The following GRID2 variants were observed in gnomAD, a reference collection of about 807,000 sequenced individuals.
The protein encoded by GRID2 is glutamate ionotropic receptor delta type subunit 2, also known as glutamate receptor ionotropic, delta-2.
A neutral mutation model predicts 114.8 loss-of-function variants in GRID2; 33 were observed. The observed-to-expected ratio is 0.29, with a 90% CI of 0.22 to 0.38. The LOEUF is 0.38. GRID2 is among the 10% of genes least tolerant of loss of function. GRID2 has a pLI of 1.00. For synonymous variants in GRID2, 505 were observed against 449.9 expected (o/e 1.12, Z -1.55); for missense variants, 1,184 against 1,257.7 (o/e 0.94, Z 0.89).
At chr4:92,972,499 A>G (rs1300716793) in intron 2 of GRID2, among the ~76,000 whole-genome samples, 1 of 152,176 alleles carries the variant, frequency 6.6e-6, no homozygotes, top group Non-Finnish European at 1.5e-5. Flanking sequence ...TTTTCAGTAA[A>G]ATATATGTCT....
chr4:93,513,611 C>T (rs112857858), intron 12 of GRID2, among the ~76,000 whole-genome samples: 4 of 152,232 alleles, frequency 2.6e-5, no homozygotes, highest in Middle Eastern at 3.4e-3. Context: ...ATTCCAGAAT[C>T]GCACTTTCTC....
intron 2 of GRID2, among the ~76,000 whole-genome samples, chr4:92,982,480 C>T (rs1056114959): frequency 2.6e-5 from 4 of 151,948 alleles, no homozygotes; most frequent in Non-Finnish European, 4.4e-5. Context: ...GTTCTAAAAT[C>T]ATCAGAATAA....
chr4:93,709,313 A>G (rs1728282802), intron 14 of GRID2, among the ~76,000 whole-genome samples: 1 of 152,122 alleles, frequency 6.6e-6, no homozygotes, highest in African/African-American at 2.4e-5. Flanking sequence ...TTTCTCATGG[A>G]AAGTATTTCT....
At chr4:92,979,435 G>A (rs984684810) in intron 2 of GRID2, among the ~76,000 whole-genome samples, 1 of 152,022 alleles carries the variant, frequency 6.6e-6, no homozygotes, top group African/African-American at 2.4e-5. Flanking sequence ...ACGACTCAGT[G>A]TATTGGTAGG....
At chr4:92,328,701 T>G (rs1160844568) in intron 1 of GRID2, among the ~76,000 whole-genome samples, 1 of 152,072 alleles carries the variant, frequency 6.6e-6, no homozygotes, top group Non-Finnish European at 1.5e-5. Context: ...CTTTGTTAGC[T>G]TAAGGAACTA....
intron 2 of GRID2, among the ~76,000 whole-genome samples, chr4:92,871,392 T>G (rs1745268027): frequency 6.6e-6 from 1 of 152,172 alleles, no homozygotes; most frequent in South Asian, 2.1e-4. Context: ...TTTTGGTTTG[T>G]TTTGCATATG....
intron 2 of GRID2, among the ~76,000 whole-genome samples, chr4:92,900,618 C>A (rs2149479747): frequency 6.6e-6 from 1 of 152,222 alleles, no homozygotes; most frequent in Non-Finnish European, 1.5e-5. Context: ...ATCATGAGGT[C>A]AGGAGATCGA....
chr4:92,395,003 A>G (rs1730424430), intron 1 of GRID2, among the ~76,000 whole-genome samples: 1 of 151,612 alleles, frequency 6.6e-6, no homozygotes, highest in Non-Finnish European at 1.5e-5. Context: ...TCTATCCATA[A>G]TATGCTTTGG....
chr4:92,357,772 TATG>T (rs1294280542), intron 1 of GRID2, among the ~76,000 whole-genome samples: 2 of 151,888 alleles, frequency 1.3e-5, no homozygotes, highest in Non-Finnish European at 2.9e-5. Flanking sequence ...TATTTTAAAA[TATG>T]ATATTTTAAA....
chr4:92,992,827 A>G (rs1754987210), intron 2 of GRID2, among the ~76,000 whole-genome samples: 1 of 152,134 alleles, frequency 6.6e-6, no homozygotes, highest in South Asian at 2.1e-4. Context: ...AGAATTTTTC[A>G]CGTTTCCTGC....
chr4:92,745,539 T>C (rs1303640235), intron 2 of GRID2, among the ~76,000 whole-genome samples: 1 of 152,174 alleles, frequency 6.6e-6, no homozygotes, highest in African/African-American at 2.4e-5. Context: ...AATGTCTAAA[T>C]ATTTAAGAAG....
intron 14 of GRID2, among the ~76,000 whole-genome samples, chr4:93,758,498 T>C (rs1005180843): frequency 6.6e-6 from 1 of 152,196 alleles, no homozygotes; most frequent in Non-Finnish European, 1.5e-5. Flanking sequence ...CTTCCTTATA[T>C]TTAAATTATT....
chr4:92,981,310 T>G (rs1411130668), intron 2 of GRID2, among the ~76,000 whole-genome samples: 1 of 152,102 alleles, frequency 6.6e-6, no homozygotes, highest in Admixed American at 6.6e-5. Context: ...CCAAAGTCAC[T>G]GATGTAAACA....
intron 2 of GRID2, among the ~76,000 whole-genome samples, chr4:93,039,947 T>C (rs1327362545): frequency 6.6e-6 from 1 of 152,190 alleles, no homozygotes; most frequent in African/African-American, 2.4e-5. Context: ...ATCTCCTTTG[T>C]ATCTTAGGTA....
chr4:92,847,857 A>G (rs1278069989), intron 2 of GRID2, among the ~76,000 whole-genome samples: 1 of 151,986 alleles, frequency 6.6e-6, no homozygotes, highest in African/African-American at 2.4e-5. Context: ...TAAAATACTT[A>G]TATAATAATG....
chr4:93,438,230 T>C (rs996778912), intron 10 of GRID2, among the ~76,000 whole-genome samples: 3 of 152,132 alleles, frequency 2.0e-5, no homozygotes, highest in African/African-American at 7.2e-5. Flanking sequence ...AATGTGTAGA[T>C]AAATAATTAA....
At chr4:92,870,636 C>A (rs1339179428) in intron 2 of GRID2, among the ~76,000 whole-genome samples, 2 of 151,960 alleles carry the variant, frequency 1.3e-5, no homozygotes, top group Admixed American at 6.6e-5. Context: ...AAAGCATTAA[C>A]AGATGGCATT....
At chr4:92,635,160 A>T (rs761123691) in intron 2 of GRID2, among the ~76,000 whole-genome samples, 1 of 152,106 alleles carries the variant, frequency 6.6e-6, no homozygotes, top group Non-Finnish European at 1.5e-5. Flanking sequence ...ACAGTGGTAA[A>T]AATCCACAGA....
intron 4 of GRID2, among the ~76,000 whole-genome samples, chr4:93,111,726 A>T (rs1355081128): frequency 6.7e-6 from 1 of 148,474 alleles, no homozygotes; most frequent in Non-Finnish European, 1.5e-5. Context: ...TTTAAATTTG[A>T]GGACGGGAAT....
Sources: allele counts gnomAD v4.1 joint callset (sites outside exome capture counted in the v4.1 genomes callset), GRCh38; gene constraint gnomAD v4.1.1; transcripts MANE v1.5; gene names NCBI Gene and HGNC (gene_info 2026-07-23, HGNC 2026-07-21).